Variants in ATP5PO observed in about 807,000 individuals in gnomAD.
ATP5PO encodes ATP synthase peripheral stalk subunit OSCP, mitochondrial.
ATP5PO carries 14 observed loss-of-function variants against 26.2 expected under a neutral mutation model. The observed-to-expected ratio is 0.53, with a 90% confidence interval of 0.35 to 0.83. The LOEUF (loss-of-function observed/expected upper bound fraction) is 0.83, where lower values mean the gene tolerates loss of function less well. Ranked by LOEUF, ATP5PO falls within the 40% of genes least tolerant of loss-of-function variation. The pLI is 0.01. For missense variants in ATP5PO, 241 were observed against 258.5 expected, an observed-to-expected ratio of 0.93 and a Z score of 0.46; for synonymous variants, 106 against 95.1, an observed-to-expected ratio of 1.12 and a Z score of -0.67.
In ATP5PO at chr21:33,903,862, A is replaced by C. The variant is rs1009210051; in HGVS notation, c.528+73T>G. On this transcript the variant is annotated intron_variant, in intron 6 of 6. Transcript: ENST00000290299. ...AGTATAGAGTTAGATCTAATATTTC[A>C]CTAGTACTTTCTGTAGCCATTTTAA... 3.7e-6 allele frequency: 5 copies of C among 1,360,590 alleles called. No homozygotes were observed. In the African/African-American group the frequency reaches 5.9e-5, roughly 16 times the overall value. The allele number at this position is 1,360,590 out of a possible 1,614,324, so 84.3% of individuals were successfully genotyped here. A position where few individuals can be genotyped will look rare whatever the true frequency, so the allele number is the denominator to read the frequency against.
At position 33,910,020 on chromosome 21, in the gene ATP5PO, A is replaced by G. The variant is rs145909591; in HGVS notation, c.199-809T>C. Among the ~76,000 whole-genome samples, 670 of 152,314 alleles carry G rather than the reference A, an allele frequency of 4.4e-3. 2 individuals are homozygous for G. The highest frequency in any genetic ancestry group is 0.011 in the South Asian group (55 of 4,824). On this transcript the variant is annotated intron_variant, in intron 3 of 6. Coordinates refer to ENST00000290299, the MANE Select transcript of ATP5PO (RefSeq NM_001697.3). The stretch of plus-strand genomic sequence containing the variant: ...AGAGCGGCCCCAAAGAGTCTGGGAG[A>G]CAGAGTGGACAATAAAACAGGAGCA...
At chr21:33,915,625 C>T in intron 1 of ATP5PO, 103 bp downstream of exon 1, 4 of 1,490,968 alleles carry the variant, frequency 2.7e-6, no homozygotes, top group Non-Finnish European at 2.7e-6. Context: ...TGAAGACTGC[C>T]AGACTTCCCC....
chr21:33,914,010 C>A (rs1987281771), intron 2 of ATP5PO, among the ~76,000 whole-genome samples: 1 of 152,102 alleles, frequency 6.6e-6, no homozygotes, highest in African/African-American at 2.4e-5. Context: ...AAACTCCTGA[C>A]CTCGTGATCT....
intron 3 of ATP5PO, 126 bp downstream of exon 3, chr21:33,912,163 T>G: frequency 1.6e-6 from 1 of 633,900 alleles, no homozygotes; most frequent in Non-Finnish European, 2.6e-6. Context: ...TAAAAATGTG[T>G]TTACAGACAA....
intron 1 of ATP5PO, chr21:33,914,774 A>G (rs974861090): frequency 2.6e-6 from 1 of 388,804 alleles, no homozygotes; most frequent in Non-Finnish European, 4.6e-6. Context: ...AGACAGAAAA[A>G]CACTAACTTC....
chr21:33,912,827 A>G (rs1170765032), intron 2 of ATP5PO, among the ~76,000 whole-genome samples: 3 of 152,272 alleles, frequency 2.0e-5, no homozygotes, highest in Admixed American at 6.5e-5. Context: ...TATGAAACAC[A>G]CAAGTATACT....
chr21:33,911,670 T>TTTTTTTTG (rs1987250231), intron 3 of ATP5PO, among the ~76,000 whole-genome samples: 1 of 134,190 alleles, frequency 7.5e-6, no homozygotes, highest in Non-Finnish European at 1.6e-5. Flanking sequence ...AGGTTTTTTT[T>TTTTTTTTG]TTTTTTTTTT....
chr21:33,912,995 C>G (rs890182172), intron 2 of ATP5PO, among the ~76,000 whole-genome samples: 2 of 152,108 alleles, frequency 1.3e-5, no homozygotes, highest in African/African-American at 4.8e-5. Context: ...CAATGTATGA[C>G]TACATGTTCT....
chr21:33,909,031 T>A (rs759446187), intron 4 of ATP5PO, 51 bp downstream of exon 4: 1 of 1,537,562 alleles, frequency 6.5e-7, no homozygotes, highest in East Asian at 2.3e-5. Context: ...ATGGACCACA[T>A]TTCCAGTCAT....
chr21:33,914,585 A>G (rs1038109817), intron 1 of ATP5PO, 85 bp from the exon 2 acceptor site: 15 of 1,261,800 alleles, frequency 1.2e-5, no homozygotes, highest in Non-Finnish European at 1.0e-5. Flanking sequence ...AAAATTTTAA[A>G]TAACCTTAAA....
chr21:33,914,184 T>C (rs1987284642), intron 2 of ATP5PO, among the ~76,000 whole-genome samples: 1 of 149,528 alleles, frequency 6.7e-6, no homozygotes, highest in African/African-American at 2.5e-5. Flanking sequence ...AGTAAGTAAA[T>C]GCTAGCTTGC....
intron 2 of ATP5PO, among the ~76,000 whole-genome samples, chr21:33,913,770 C>G (rs1452963733): frequency 6.6e-6 from 1 of 152,026 alleles, no homozygotes; most frequent in Non-Finnish European, 1.5e-5. Flanking sequence ...CATTAGAAAC[C>G]CAGGTACCTT....
intron 1 of ATP5PO, 58 bp downstream of exon 1, chr21:33,915,670 G>A (rs775844351): frequency 5.3e-5 from 82 of 1,544,228 alleles, no homozygotes; most frequent in Non-Finnish European, 6.6e-5. Flanking sequence ...TCGAGGTTTG[G>A]TACCGGTCAT....
intron 6 of ATP5PO, 124 bp from the exon 7 acceptor site, chr21:33,903,763 G>A: frequency 2.5e-6 from 3 of 1,178,790 alleles, no homozygotes; most frequent in Non-Finnish European, 2.4e-6. Context: ...CTAGAAAAAG[G>A]CAAAAGTAAA....
At chr21:33,905,918 G>GAA (rs59334506) in intron 5 of ATP5PO, among the ~76,000 whole-genome samples, 13,120 of 98,318 alleles carry the variant, frequency 0.13, 1,183 homozygotes, top group Non-Finnish European at 0.18. Flanking sequence ...TCTCAAAAAA[G>GAA]AAAAAAAAAA....
intron 4 of ATP5PO, 184 bp downstream of exon 4, chr21:33,908,898 T>C (rs1987210662): frequency 5.1e-6 from 3 of 589,178 alleles, no homozygotes; most frequent in Non-Finnish European, 8.4e-6. Context: ...CACACTTCAA[T>C]GTGCAAACGA....
Position 33,914,491 on chromosome 21 carries a change from A to T in ATP5PO, c.46T>A (p.Phe16Ile). Residue 16 changes from phenylalanine to isoleucine, a missense_variant, in exon 2 of 7, where the codon TTC becomes ATC. This residue lies in a region of ATP5PO where 125 missense variants were observed against 108.5 expected (regional missense o/e 1.15). Transcript: ENST00000290299. Reference sequence around the variant, plus strand: ...AATGGTCTGACCACAGAGGTACTGAAGCATCGCACCTTCAAAGCAATAAAG... The same window carrying T: ...AATGGTCTGACCACAGAGGTACTGATGCATCGCACCTTCAAAGCAATAAAG... Reference protein sequence around the residue: ...VSGLSRQVRCFSTSVVRPFAK... With the variant: ...VSGLSRQVRCISTSVVRPFAK... 3 of 1,613,202 alleles carry T rather than the reference A, an allele frequency of 1.9e-6. No homozygotes were observed. Among genetic ancestry groups the T allele is most frequent in the Non-Finnish European group, 2.5e-6 (3 of 1,179,580 alleles).
chr21:33,911,188 A>C (rs1249532438), intron 3 of ATP5PO, among the ~76,000 whole-genome samples: 1 of 152,228 alleles, frequency 6.6e-6, no homozygotes, highest in Non-Finnish European at 1.5e-5. Context: ...GTTAACTAGA[A>C]AATTCGGTGA....
chr21:33,908,037 G>A (rs909617798), intron 4 of ATP5PO, among the ~76,000 whole-genome samples: 3 of 151,894 alleles, frequency 2.0e-5, no homozygotes, highest in African/African-American at 4.8e-5. Context: ...AATTAGTGGC[G>A]CATGCGCGCA....
Sources: allele counts gnomAD v4.1 joint callset (sites outside exome capture counted in the v4.1 genomes callset), GRCh38; gene constraint gnomAD v4.1.1; regional missense constraint gnomAD v4.1.1; transcripts MANE v1.5; gene names NCBI Gene and HGNC (gene_info 2026-07-23, HGNC 2026-07-21).